The following ACSF3 variants were observed in gnomAD, a reference collection of about 807,000 sequenced individuals.
ACSF3 encodes the protein acyl-CoA synthetase family member 3.
ACSF3 carries 78 observed loss-of-function variants against 53.2 expected under a neutral mutation model. That is an observed-to-expected ratio of 1.47 (90% CI 1.22 to 1.77). The LOEUF (loss-of-function observed/expected upper bound fraction) is 1.77. Among genes scored for constraint, ACSF3 ranks in the 40% most tolerant of loss-of-function variants. The pLI, the probability that ACSF3 is intolerant of heterozygous loss-of-function variation, is 0.00. For synonymous variants in ACSF3, 414 were observed against 333.1 expected (o/e 1.24, Z -2.65); for missense variants, 937 against 771.1 (o/e 1.22, Z -2.55).
chr16:89,094,519 C>G (rs896091865), intron 1 of ACSF3, among the ~76,000 whole-genome samples: 7 of 152,140 alleles, frequency 4.6e-5, no homozygotes, highest in African/African-American at 1.7e-4. Flanking sequence ...TGCAGGCAGC[C>G]CATTCCCTGG....
At chr16:89,126,263 G>T (rs1053868182) in intron 7 of ACSF3, among the ~76,000 whole-genome samples, 1 of 152,038 alleles carries the variant, frequency 6.6e-6, no homozygotes, top group Non-Finnish European at 1.5e-5. Flanking sequence ...AGGTGGGTAT[G>T]GGGGGAGAGT....
chr16:89,123,980 A>T (rs185391741), intron 7 of ACSF3, among the ~76,000 whole-genome samples: 3 of 151,504 alleles, frequency 2.0e-5, no homozygotes, highest in Non-Finnish European at 4.4e-5. Context: ...CGTAGTACGC[A>T]TGGGTATCAC....
intron 3 of ACSF3, among the ~76,000 whole-genome samples, chr16:89,101,933 G>A (rs1385753114): frequency 6.6e-6 from 1 of 152,238 alleles, no homozygotes; most frequent in Admixed American, 6.5e-5. Context: ...CTGGGCCCTG[G>A]GTGGCCTGCG....
chr16:89,116,471 T>A (rs1461149309), intron 6 of ACSF3, among the ~76,000 whole-genome samples: 1 of 152,124 alleles, frequency 6.6e-6, no homozygotes, highest in Non-Finnish European at 1.5e-5. Flanking sequence ...GGAGAGACTG[T>A]AGGCTCACGC....
At chr16:89,150,818 G>A in intron 10 of ACSF3, 2 of 413,230 alleles carry the variant, frequency 4.8e-6, no homozygotes, top group Non-Finnish European at 8.6e-6. Context: ...CTGCAGCCCT[G>A]AGTCCTGCTT....
At chr16:89,136,602 AG>A in intron 8 of ACSF3, 1 of 1,286,564 alleles carries the variant, frequency 7.8e-7, no homozygotes, top group Non-Finnish European at 1.0e-6. Flanking sequence ...GGGGACAGCC[AG>A]GGATGGCTGG....
intron 7 of ACSF3, among the ~76,000 whole-genome samples, chr16:89,121,943 G>A (rs925508370): frequency 5.9e-5 from 9 of 152,150 alleles, no homozygotes; most frequent in East Asian, 1.9e-4. Flanking sequence ...TGCAGTGGCC[G>A]CACCTTGTGT....
At chr16:89,143,129 TCC>T (rs1259075394) in intron 8 of ACSF3, among the ~76,000 whole-genome samples, 1 of 152,206 alleles carries the variant, frequency 6.6e-6, no homozygotes, top group Non-Finnish European at 1.5e-5. Flanking sequence ...ACACAGGGGT[TCC>T]TTGTGCCGTC....
rs202182978 is a variant in ACSF3, at chr16:89,100,709, C to A, written c.28C>A (p.Arg10=). Reference sequence around the variant, plus strand: ...GCTGCCCCATGTGGTGCTCACCTTCCGGCGCCTGGGCTGCGCCTTGGCGTC... The same window carrying A: ...GCTGCCCCATGTGGTGCTCACCTTCAGGCGCCTGGGCTGCGCCTTGGCGTC... MLPHVVLTF[R]RLGCALASCR... The change falls in exon 3 of 11, where the codon CGG becomes AGG. Residue 10 remains arginine, a synonymous_variant. Transcript: ENST00000614302. 8 of 1,601,492 alleles carry A rather than the reference C, an allele frequency of 5.0e-6. No homozygotes were observed. The South Asian group carries it at 5.5e-5, about 11-fold the overall frequency.
intron 10 of ACSF3, chr16:89,151,967 G>A (rs1914144142): frequency 6.6e-6 from 1 of 152,244 alleles, no homozygotes; most frequent in Non-Finnish European, 1.5e-5. Flanking sequence ...AAAAGCATTT[G>A]CAAATGTCAA....
rs1267933456 is a variant in ACSF3 at position 89,101,014 on chromosome 16, C to T, written c.333C>T (p.Ala111=). The T allele has an allele frequency of 1.2e-6, 2 of 1,613,784 alleles. No individual in the cohort carries two copies. Among genetic ancestry groups the T allele is most frequent in the Non-Finnish European group, 1.7e-6 (2 of 1,179,810 alleles). Reference sequence around the variant, plus strand: ...CTAACGATGCCTCCTACGTCGTGGCCCAGTGGGCGTCATGGATGAGTGGCG... The same window carrying T: ...CTAACGATGCCTCCTACGTCGTGGCTCAGTGGGCGTCATGGATGAGTGGCG... ...LCANDASYVV[A]QWASWMSGGV... The change falls in exon 3 of 11, where the codon GCC becomes GCT. Residue 111 remains alanine, a synonymous_variant. Coordinates refer to ENST00000614302, the MANE Select transcript of ACSF3 (RefSeq NM_001243279.3).
chr16:89,096,189 C>T (rs995402106), intron 1 of ACSF3, among the ~76,000 whole-genome samples: 5 of 152,022 alleles, frequency 3.3e-5, no homozygotes, highest in Admixed American at 6.6e-5. Context: ...GGTGACGCCG[C>T]TGACCTCGGG....
intron 6 of ACSF3, among the ~76,000 whole-genome samples, chr16:89,120,534 A>G (rs947796164): frequency 1.2e-4 from 19 of 152,244 alleles, no homozygotes; most frequent in Admixed American, 5.2e-4. Flanking sequence ...CCAGCGTGCC[A>G]CGTGAGTGCC....
intron 6 of ACSF3, among the ~76,000 whole-genome samples, chr16:89,120,364 C>T (rs1906327314): frequency 6.6e-6 from 1 of 152,232 alleles, no homozygotes; most frequent in African/African-American, 2.4e-5. Flanking sequence ...ACACAGGTCC[C>T]CTCATCGTGG....
intron 3 of ACSF3, among the ~76,000 whole-genome samples, chr16:89,101,988 T>C (rs4782460): frequency 0.7 from 107,034 of 152,104 alleles, 38,294 homozygotes; most frequent in Admixed American, 0.78. Context: ...GGACGGGCTC[T>C]GGACTCCTCT....
rs183386348 is a variant in ACSF3 at position 89,137,030 on chromosome 16, C to T, written c.1366+3768C>T. On this transcript the variant is annotated intron_variant, in intron 8 of 10. Transcript: ENST00000614302. ...ACACGCGCACATTTGCCACCTGGGGCGAGTGGAAGGTGACGTGGAGGTGGG... is the reference window on the plus strand; with the variant it reads ...ACACGCGCACATTTGCCACCTGGGGTGAGTGGAAGGTGACGTGGAGGTGGG... Among the ~76,000 whole-genome samples the T allele has an allele frequency of 4.3e-4, 66 of 152,302 alleles. 1 individual carries two copies. In the East Asian group the frequency reaches 0.012, roughly 28 times the overall value.
intron 7 of ACSF3, among the ~76,000 whole-genome samples, chr16:89,131,938 A>T (rs1567725588): frequency 6.6e-6 from 1 of 152,184 alleles, no homozygotes; most frequent in Non-Finnish European, 1.5e-5. Context: ...GGGTGGCGTC[A>T]GCCCCTCCTG....
intron 8 of ACSF3, chr16:89,141,234 A>G (rs1911695850): frequency 7.8e-7 from 1 of 1,287,138 alleles, no homozygotes; most frequent in Non-Finnish European, 1.0e-6. Context: ...CTGGAAGAAC[A>G]AAACCAGCCA....
intron 5 of ACSF3, chr16:89,113,968 C>T (rs1904555235): frequency 5.6e-6 from 2 of 357,614 alleles, no homozygotes; most frequent in South Asian, 2.2e-5. Flanking sequence ...CACCCGTGAT[C>T]AGCTCCGTGG....
Sources: gnomAD v4.1 joint callset for allele counts (sites outside exome capture counted in the v4.1 genomes callset) on GRCh38, gnomAD v4.1.1 for gene constraint, MANE v1.5 for transcripts, NCBI Gene and HGNC (gene_info 2026-07-23, HGNC 2026-07-21) for gene names.